ANKH: variants seen among roughly 807,000 people sequenced by gnomAD.
ANKH encodes mineralization regulator ANKH.
Under a neutral mutation model 49.0 loss-of-function variants are expected in ANKH, and 15 were observed. The ratio of observed to expected loss-of-function variants is 0.31; its 90% CI spans 0.20 to 0.47. The LOEUF (loss-of-function observed/expected upper bound fraction) is 0.47. Ranked by LOEUF, ANKH falls within the 20% of genes least tolerant of loss-of-function variation. ANKH has a pLI of 1.00. For synonymous variants in ANKH, 273 were observed against 260.0 expected, an observed-to-expected ratio of 1.05 and a Z score of -0.48; for missense variants, 429 against 652.0, an observed-to-expected ratio of 0.66 and a Z score of 3.72.
intron 1 of ANKH, among the ~76,000 whole-genome samples, chr5:14,805,708 A>T (rs1407464797): frequency 6.6e-6 from 1 of 151,848 alleles, no homozygotes; most frequent in Non-Finnish European, 1.5e-5. Context: ...AGTAGCTCAC[A>T]CTGATTACCT....
chr5:14,771,811 C>T (rs926775600), intron 1 of ANKH, among the ~76,000 whole-genome samples: 5 of 151,036 alleles, frequency 3.3e-5, no homozygotes, highest in Admixed American at 1.3e-4. Flanking sequence ...ATCCCAGCTA[C>T]TCGGGAGGCT....
At position 14,713,115 on chromosome 5, in the gene ANKH, C is replaced by G. The variant is rs145726810; in HGVS notation, c.1266-142G>C. 1 of 825,838 alleles carries G rather than the reference C, an allele frequency of 1.2e-6. No homozygotes were observed. Among genetic ancestry groups the G allele is most frequent in the Non-Finnish European group, 2.0e-6 (1 of 504,132 alleles). 51.2% of individuals were successfully genotyped at this position (825,838 alleles called of 1,614,324 possible). On this transcript the variant is annotated intron_variant, in intron 10 of 11. Transcript: ENST00000284268. This position sits in a 1 kb window ranked among gnomAD's most constrained non-coding sequence, Gnocchi z 4.4. Reference sequence around the variant, plus strand: ...CTCCATCTGCTGGCTTCGTAAGGGCCGCAGCTAATAACCTAATGTGTGAGG... The same window carrying G: ...CTCCATCTGCTGGCTTCGTAAGGGCGGCAGCTAATAACCTAATGTGTGAGG...
rs1024528557 is a variant in ANKH, at chr5:14,709,616, T to C, written c.*1581A>G. ...CCTTTTTCTTTCTCATTTTTGCCTT[T>C]CCAGCTTGCACTTCTATTCCTACTC... On this transcript the variant is annotated 3_prime_UTR_variant, in exon 12 of 12. Transcript: ENST00000284268. 8 of 152,336 alleles carry C rather than the reference T, an allele frequency of 5.3e-5. No individual in the cohort carries two copies. The highest frequency in any genetic ancestry group is 1.9e-4 in the African/African-American group (8 of 41,454). The allele number at this position is 152,336 out of a possible 1,614,324, so 9.4% of individuals were successfully genotyped here. A position where few individuals can be genotyped will look rare whatever the true frequency, so the allele number is the denominator to read the frequency against.
intron 1 of ANKH, among the ~76,000 whole-genome samples, chr5:14,798,551 T>A (rs1740465433): frequency 6.6e-6 from 1 of 152,118 alleles, no homozygotes; most frequent in Non-Finnish European, 1.5e-5. Context: ...GCAAGTCTAT[T>A]GGCACCATTT....
At chr5:14,719,716 A>T (rs572292989) in intron 8 of ANKH, among the ~76,000 whole-genome samples, 4 of 152,172 alleles carry the variant, frequency 2.6e-5, no homozygotes, top group Admixed American at 6.5e-5. Flanking sequence ...CGTAGTCACA[A>T]TCCATCAAGA....
chr5:14,802,669 G>C (rs1319073327), intron 1 of ANKH, among the ~76,000 whole-genome samples: 1 of 151,774 alleles, frequency 6.6e-6, no homozygotes, highest in Non-Finnish European at 1.5e-5. Flanking sequence ...GTCTCCTTGA[G>C]AGCTACAGAT....
intron 8 of ANKH, chr5:14,741,467 C>T (rs76548783): frequency 0.011 from 2,894 of 257,968 alleles, 86 homozygotes; most frequent in African/African-American, 0.062. Context: ...TGAAGTAACG[C>T]GGATTAAATT....
intron 1 of ANKH, among the ~76,000 whole-genome samples, chr5:14,805,967 G>A (rs1326096829): frequency 2.6e-5 from 4 of 152,148 alleles, no homozygotes; most frequent in African/African-American, 9.7e-5. Flanking sequence ...GTTTTGAGGC[G>A]ATACATATAA....
chr5:14,715,720 C>G (rs1305809177), intron 9 of ANKH, among the ~76,000 whole-genome samples: 1 of 152,276 alleles, frequency 6.6e-6, no homozygotes, highest in East Asian at 1.9e-4. Context: ...CAGACATACA[C>G]GTGCTACATA....
At chr5:14,798,684 T>C (rs1740471291) in intron 1 of ANKH, among the ~76,000 whole-genome samples, 1 of 152,202 alleles carries the variant, frequency 6.6e-6, no homozygotes, top group Admixed American at 6.5e-5. Flanking sequence ...TGATCTTTAA[T>C]GTGACTATTT....
intron 1 of ANKH, among the ~76,000 whole-genome samples, chr5:14,817,224 C>T (rs1741063848): frequency 6.6e-6 from 1 of 152,016 alleles, no homozygotes; most frequent in Non-Finnish European, 1.5e-5. Context: ...TTTTGGCAGC[C>T]CTGTGTGGAT....
intron 1 of ANKH, chr5:14,868,729 A>T (rs1163632576): frequency 6.8e-6 from 1 of 147,836 alleles, no homozygotes; most frequent in Non-Finnish European, 1.5e-5. Flanking sequence ...TTTAATAGAG[A>T]CGAGGTTTCA....
chr5:14,864,012 C>T (rs1165137267), intron 1 of ANKH, among the ~76,000 whole-genome samples: 1 of 151,962 alleles, frequency 6.6e-6, no homozygotes, highest in African/African-American at 2.4e-5. Flanking sequence ...CCCAGGAGTT[C>T]GAGACCAGCT....
intron 1 of ANKH, among the ~76,000 whole-genome samples, chr5:14,824,259 A>C (rs190834852): frequency 6.6e-6 from 1 of 152,314 alleles, no homozygotes; most frequent in East Asian, 1.9e-4. Context: ...TAGTCAAGTT[A>C]ATCAAGCAGA....
At chr5:14,744,148 A>G (rs990437202) in intron 7 of ANKH, among the ~76,000 whole-genome samples, 2 of 152,046 alleles carry the variant, frequency 1.3e-5, no homozygotes, top group African/African-American at 4.8e-5. Context: ...AATTAAACCC[A>G]CTCAAACACA....
At chr5:14,721,731 C>T (rs1054249614) in intron 8 of ANKH, among the ~76,000 whole-genome samples, 4 of 151,942 alleles carry the variant, frequency 2.6e-5, no homozygotes, top group Admixed American at 1.3e-4. Context: ...GAGATCGAGA[C>T]CATCCTGGCT....
chr5:14,711,941 G>A (rs1324998371), intron 11 of ANKH, among the ~76,000 whole-genome samples: 1 of 152,198 alleles, frequency 6.6e-6, no homozygotes, highest in Non-Finnish European at 1.5e-5. Flanking sequence ...ATTGTCCTCT[G>A]TCTGCCAACC....
chr5:14,711,533 G>A (rs922061741), intron 11 of ANKH, among the ~76,000 whole-genome samples: 1 of 152,180 alleles, frequency 6.6e-6, no homozygotes, highest in African/African-American at 2.4e-5. Flanking sequence ...AGCTAGGCAG[G>A]CACTTCGGAG....
intron 8 of ANKH, among the ~76,000 whole-genome samples, chr5:14,726,222 C>T (rs544345261): frequency 3.9e-5 from 6 of 152,268 alleles, no homozygotes; most frequent in Non-Finnish European, 7.4e-5. Flanking sequence ...CTGTCTTGCT[C>T]GACTTTCCAG....
Sources: allele counts gnomAD v4.1 joint callset (sites outside exome capture counted in the v4.1 genomes callset), GRCh38; gene constraint gnomAD v4.1.1; non-coding constraint Gnocchi (gnomAD v3.1); transcripts MANE v1.5; gene names NCBI Gene and HGNC (gene_info 2026-07-23, HGNC 2026-07-21).